The following MSRB2 variants were observed in gnomAD, a reference collection of about 807,000 sequenced individuals.
MSRB2 encodes methionine sulfoxide reductase B2.
MSRB2 carries 17 observed loss-of-function variants against 19.0 expected under a neutral mutation model. That is an observed-to-expected ratio of 0.89 (90% CI 0.61 to 1.34). The LOEUF is 1.34. MSRB2 is among the 40% of genes most tolerant of loss of function. MSRB2 has a pLI of 0.00. For synonymous variants in MSRB2, 107 were observed against 99.7 expected, an observed-to-expected ratio of 1.07 and a Z score of -0.44; for missense variants, 208 against 237.6, an observed-to-expected ratio of 0.88 and a Z score of 0.82.
chr10:23,112,258 C>T (rs938153314), intron 3 of MSRB2, among the ~76,000 whole-genome samples: 1 of 152,198 alleles, frequency 6.6e-6, no homozygotes, highest in Non-Finnish European at 1.5e-5. Context: ...GCTGCTACTG[C>T]AGCTGAAGGA....
chr10:23,097,331 C>A (rs1839879727), intron 1 of MSRB2, among the ~76,000 whole-genome samples: 2 of 152,152 alleles, frequency 1.3e-5, no homozygotes, highest in South Asian at 4.1e-4. Flanking sequence ...TGCAAAACAC[C>A]GTGGACTGGG....
intron 3 of MSRB2, chr10:23,118,926 G>A (rs1393800078): frequency 2.4e-6 from 1 of 410,868 alleles, no homozygotes; most frequent in Admixed American, 2.6e-5. Flanking sequence ...AGATGATGAT[G>A]ACTTCCTCCG....
At chr10:23,118,353 T>TG in intron 3 of MSRB2, among the ~76,000 whole-genome samples, 1 of 150,474 alleles carries the variant, frequency 6.6e-6, no homozygotes, top group East Asian at 1.9e-4. Flanking sequence ...TTTTTTTTTT[T>TG]TTTGGCTGGG....
chr10:23,117,139 A>T (rs753261897), intron 3 of MSRB2, among the ~76,000 whole-genome samples: 2 of 152,218 alleles, frequency 1.3e-5, no homozygotes, highest in African/African-American at 2.4e-5. Context: ...TAGGATGCTG[A>T]GGCTTCAAAA....
chr10:23,096,352 C>CTCTCTCTCTGTGTGTGTGTGTGTGTGTG (rs144653384), intron 1 of MSRB2, among the ~76,000 whole-genome samples: 8 of 142,750 alleles, frequency 5.6e-5, no homozygotes, highest in African/African-American at 2.2e-4. Context: ...CTCTCTCTCT[C>CTCTCTCTCTGTGTGTGTGTGTGTGTGTG]TGTGTGTGTG....
chr10:23,102,044 C>G (rs1286485066), intron 1 of MSRB2, among the ~76,000 whole-genome samples: 3 of 152,086 alleles, frequency 2.0e-5, no homozygotes, highest in Non-Finnish European at 4.4e-5. Flanking sequence ...GATGTTTCTC[C>G]TCACAATTAA....
intron 1 of MSRB2, among the ~76,000 whole-genome samples, chr10:23,102,659 CT>C (rs1225179904): frequency 6.6e-6 from 1 of 152,098 alleles, no homozygotes; most frequent in African/African-American, 2.4e-5. Flanking sequence ...GTGGCATTTT[CT>C]TTTTTGTAAT....
At chr10:23,113,774 G>A (rs1303252016) in intron 3 of MSRB2, among the ~76,000 whole-genome samples, 1 of 152,146 alleles carries the variant, frequency 6.6e-6, no homozygotes, top group Non-Finnish European at 1.5e-5. Context: ...TGTGAAAACG[G>A]AAGCAGAGAT....
intron 1 of MSRB2, 139 bp downstream of exon 1, chr10:23,095,865 C>CA: frequency 2.2e-6 from 1 of 464,494 alleles, no homozygotes; most frequent in Admixed American, 4.6e-5. Flanking sequence ...CCCTCCCCCC[C>CA]CCCAGCCCGA....
At chr10:23,104,389 T>C in intron 2 of MSRB2, 145 bp downstream of exon 2, 3 of 598,980 alleles carry the variant, frequency 5.0e-6, no homozygotes, top group Non-Finnish European at 8.7e-6. Context: ...CTCGGGGTGT[T>C]GATATCCATC....
intron 3 of MSRB2, among the ~76,000 whole-genome samples, chr10:23,114,319 C>G (rs1840086857): frequency 6.9e-6 from 1 of 145,846 alleles, no homozygotes; most frequent in Non-Finnish European, 1.5e-5. Context: ...CACTGCACTC[C>G]AGCCTGAGTG....
At chr10:23,114,285 G>A (rs182047319) in intron 3 of MSRB2, among the ~76,000 whole-genome samples, 7 of 151,478 alleles carry the variant, frequency 4.6e-5, no homozygotes, top group Non-Finnish European at 8.8e-5. Context: ...AGGAGGTAGA[G>A]GTTTCATTGA....
At chr10:23,097,405 G>A (rs1441160024) in intron 1 of MSRB2, among the ~76,000 whole-genome samples, 1 of 152,214 alleles carries the variant, frequency 6.6e-6, no homozygotes, top group African/African-American at 2.4e-5. Context: ...GGTGGGAACA[G>A]ATTTGGTTCC....
chr10:23,118,672 C>T (rs764333284), intron 3 of MSRB2, among the ~76,000 whole-genome samples: 4 of 152,122 alleles, frequency 2.6e-5, no homozygotes, highest in Non-Finnish European at 4.4e-5. Flanking sequence ...TGCCCAGCAC[C>T]GTGCTAAGCT....
Position 23,121,691 on chromosome 10 carries a change from A to C in MSRB2, c.*829A>C, listed in dbSNP as rs552043242. 6.6e-6 allele frequency: 1 copy of C among 152,372 alleles called. No individual in the cohort carries two copies. The highest frequency in any genetic ancestry group is 2.4e-5 in the African/African-American group (1 of 41,576). 9.4% of individuals were successfully genotyped at this position (152,372 alleles called of 1,614,324 possible). A position where few individuals can be genotyped will look rare whatever the true frequency, so the allele number is the denominator to read the frequency against. On this transcript the variant is annotated 3_prime_UTR_variant, in exon 5 of 5. Transcript: ENST00000376510. ...TTCCCTGCACCTTCCACTGCGTTTC[A>C]GTCCTTGACAGACATAAGTAAGGGA...
chr10:23,117,413 G>T (rs1290451035), intron 3 of MSRB2, among the ~76,000 whole-genome samples: 1 of 152,150 alleles, frequency 6.6e-6, no homozygotes, highest in Non-Finnish European at 1.5e-5. Context: ...TGAAGATTCA[G>T]TTGTCTTTTT....
At chr10:23,105,259 G>A (rs543684047) in intron 2 of MSRB2, among the ~76,000 whole-genome samples, 1 of 150,610 alleles carries the variant, frequency 6.6e-6, no homozygotes, top group South Asian at 2.1e-4. Flanking sequence ...AGTTTCTGGG[G>A]TACTTGAGAA....
Position 23,115,605 on chromosome 10 carries a change from C to T in MSRB2, c.297-3699C>T, listed in dbSNP as rs948861886. Among the ~76,000 whole-genome samples, 6 of 152,270 alleles carry T rather than the reference C, an allele frequency of 3.9e-5. No individual in the cohort carries two copies. The South Asian group carries it at 8.3e-4, about 21-fold the overall frequency. On this transcript the variant is annotated intron_variant, in intron 3 of 4. Transcript: ENST00000376510. ...AAATAAAACGAAACAAAGTAAAAAT[C>T]CCTTAGAGTATATGATTCAGAATGG...
chr10:23,095,833 T>C, intron 1 of MSRB2, 107 bp downstream of exon 1: 1 of 678,602 alleles, frequency 1.5e-6, no homozygotes, highest in Non-Finnish European at 2.0e-6. Context: ...GCTGCCCTCC[T>C]ACTAAGCCCT....
Sources: allele counts gnomAD v4.1 joint callset (sites outside exome capture counted in the v4.1 genomes callset), GRCh38; gene constraint gnomAD v4.1.1; transcripts MANE v1.5; gene names NCBI Gene and HGNC (gene_info 2026-07-23, HGNC 2026-07-21).